The following LDLRAP1 variants were observed in gnomAD, a reference collection of about 807,000 sequenced individuals.
LDLRAP1 encodes low density lipoprotein receptor adapter protein 1.
A neutral mutation model predicts 37.8 loss-of-function variants in LDLRAP1; 30 were observed. The observed-to-expected ratio is 0.79, with a 90% CI of 0.59 to 1.08. The LOEUF (loss-of-function observed/expected upper bound fraction) is 1.08, where lower values mean the gene tolerates loss of function less well. LDLRAP1 is among the 50% of genes least tolerant of loss of function. The pLI, the probability that LDLRAP1 is intolerant of heterozygous loss-of-function variation, is 0.00. For missense variants in LDLRAP1, 375 were observed against 401.6 expected (o/e 0.93, Z 0.57); for synonymous variants, 156 against 169.8 (o/e 0.92, Z 0.63).
intron 4 of LDLRAP1, among the ~76,000 whole-genome samples, chr1:25,561,529 C>T (rs545465102): frequency 4.7e-4 from 71 of 152,160 alleles, no homozygotes; most frequent in African/African-American, 1.6e-3. Flanking sequence ...GCTGGTGAGG[C>T]CTGAACTTGT....
In LDLRAP1 at chr1:25,555,754, C is replaced by T. The variant is rs1178844437; in HGVS notation, c.344+782C>T. On this transcript the variant is annotated intron_variant, in intron 3 of 8. Coordinates refer to ENST00000374338, the MANE Select transcript of LDLRAP1 (RefSeq NM_015627.3). This position sits in a 1 kb window ranked among gnomAD's most constrained non-coding sequence, Gnocchi z 4.7. The stretch of plus-strand genomic sequence containing the variant: ...GTTGTGGGGGTCTGGCTGATGTCTT[C>T]CTCTCACCGGCCTGATCATACCTGC... 1.3e-5 allele frequency among the ~76,000 whole-genome samples: 2 copies of T among 152,176 alleles called. No homozygotes were observed. The highest frequency in any genetic ancestry group is 2.9e-5 in the Non-Finnish European group (2 of 68,028).
intron 1 of LDLRAP1, among the ~76,000 whole-genome samples, chr1:25,545,124 CA>C (rs1270989566): frequency 5.3e-5 from 8 of 152,160 alleles, no homozygotes; most frequent in African/African-American, 1.9e-4. Flanking sequence ...GATTGCATCC[CA>C]AAATAGACCC....
Position 25,554,131 on chromosome 1 carries a change from C to T in LDLRAP1, c.231+67C>T. 6.3e-7 allele frequency: 1 copy of T among 1,586,746 alleles called. No individual in the cohort carries two copies. The highest frequency in any genetic ancestry group is 8.6e-7 in the Non-Finnish European group (1 of 1,164,544). On this transcript the variant is annotated intron_variant, in intron 2 of 8. Transcript: ENST00000374338. The surrounding 1 kb of genome is among the most constrained non-coding windows in gnomAD (Gnocchi z 5.4). ...AGGACCAGCTTCTTCCCAGGGTGCCCTCGTCCCAGCTTGTTACTCCAGTTG... is the reference window on the plus strand; with the variant it reads ...AGGACCAGCTTCTTCCCAGGGTGCCTTCGTCCCAGCTTGTTACTCCAGTTG...
the LDLRAP1 span, among the ~76,000 whole-genome samples, chr1:25,586,169 G>A: frequency 3.2e-3 from 485 of 152,298 alleles, 3 homozygotes; most frequent in African/African-American, 0.011. This position sits in a 1 kb window ranked among gnomAD's most constrained non-coding sequence, Gnocchi z 4.3. Flanking sequence ...TTTTGTAGAG[G>A]CCCAGACTTC....
intron 5 of LDLRAP1, 176 bp from the exon 6 acceptor site, chr1:25,562,894 C>G (rs1173339297): frequency 1.2e-6 from 1 of 811,914 alleles, no homozygotes. Flanking sequence ...ACAGCCGTCT[C>G]CCTCCCCAAA....
At chr1:25,549,300 A>C (rs2044013126) in intron 1 of LDLRAP1, among the ~76,000 whole-genome samples, 2 of 152,282 alleles carry the variant, frequency 1.3e-5, no homozygotes, top group South Asian at 4.1e-4. Flanking sequence ...CTCTGAGGCC[A>C]TCTCCCCACC....
At position 25,554,726 on chromosome 1, in the gene LDLRAP1, T is replaced by C. The variant is rs2044158053; in HGVS notation, c.232-134T>C. 6.9e-6 allele frequency: 5 copies of C among 721,478 alleles called. No homozygotes were observed. The highest frequency in any genetic ancestry group is 1.2e-5 in the Non-Finnish European group (5 of 402,488). The allele number at this position is 721,478 out of a possible 1,614,324, so 44.7% of individuals were successfully genotyped here. A position where few individuals can be genotyped will look rare whatever the true frequency, so the allele number is the denominator to read the frequency against. ...GCAAGAAGGTGCTGGCTGAGTGGTCTTGCCCACACTGCTGCCAGTCACCTG... is the reference window on the plus strand; with the variant it reads ...GCAAGAAGGTGCTGGCTGAGTGGTCCTGCCCACACTGCTGCCAGTCACCTG... On this transcript the variant is annotated intron_variant, in intron 2 of 8. Coordinates refer to ENST00000374338, the MANE Select transcript of LDLRAP1 (RefSeq NM_015627.3). The surrounding 1 kb of genome is among the most constrained non-coding windows in gnomAD (Gnocchi z 5.4).
At chr1:25,582,505 A>G in the LDLRAP1 span, among the ~76,000 whole-genome samples, 1 of 150,588 alleles carries the variant, frequency 6.6e-6, no homozygotes, top group Non-Finnish European at 1.5e-5. Flanking sequence ...GAATCGCTTG[A>G]ACCTGGGAGG....
At chr1:25,582,465 G>A in the LDLRAP1 span, among the ~76,000 whole-genome samples, 81 of 151,900 alleles carry the variant, frequency 5.3e-4, no homozygotes, top group East Asian at 6.0e-3. Flanking sequence ...TGCACCTGTA[G>A]TCCCAGCTAC....
intron 4 of LDLRAP1, among the ~76,000 whole-genome samples, chr1:25,558,893 A>G (rs1208478974): frequency 6.6e-6 from 1 of 152,170 alleles, no homozygotes; most frequent in African/African-American, 2.4e-5. Flanking sequence ...TGGAAGAGGC[A>G]CTGTAGGAGG....
intron 4 of LDLRAP1, among the ~76,000 whole-genome samples, chr1:25,562,035 G>A (rs1163735419): frequency 6.6e-6 from 1 of 152,132 alleles, no homozygotes; most frequent in African/African-American, 2.4e-5. Context: ...TTACAGGTGG[G>A]TTATAGCACT....
intron 5 of LDLRAP1, 35 bp from the exon 6 acceptor site, chr1:25,563,035 C>A: frequency 1.3e-6 from 2 of 1,594,354 alleles, no homozygotes; most frequent in Non-Finnish European, 1.7e-6. Context: ...GTGCTGGGGT[C>A]TGAGGCTCCA....
At chr1:25,586,501 T>TGC in the LDLRAP1 span, among the ~76,000 whole-genome samples, 1 of 152,016 alleles carries the variant, frequency 6.6e-6, no homozygotes, top group Non-Finnish European at 1.5e-5. This position sits in a 1 kb window ranked among gnomAD's most constrained non-coding sequence, Gnocchi z 4.3. Flanking sequence ...TGTGTGTGTG[T>TGC]GCATGCACAT....
At chr1:25,546,489 CCA>C (rs997838381) in intron 1 of LDLRAP1, among the ~76,000 whole-genome samples, 5 of 152,204 alleles carry the variant, frequency 3.3e-5, no homozygotes, top group Admixed American at 2.6e-4. Flanking sequence ...TCTTCCTCTC[CCA>C]CACATGGCTT....
Position 25,563,137 on chromosome 1 carries a change from C to T in LDLRAP1, c.600C>T (p.Thr200=), listed in dbSNP as rs138872203. 28 of 1,613,988 alleles carry T rather than the reference C, an allele frequency of 1.7e-5. No individual in the cohort carries two copies. The African/African-American group carries it at 3.2e-4, about 18-fold the overall frequency. ...GDVLGARQDC[T]PSLKSLVATG... ...TCCTGGGGGCCCGCCAAGACTGCAC[C>T]CCCTCCTTGAAGAGCTGTGAGTCCT... The change falls in exon 6 of 9, where the codon ACC becomes ACT. Residue 200 remains threonine, a synonymous_variant. Coordinates refer to ENST00000374338, the MANE Select transcript of LDLRAP1 (RefSeq NM_015627.3).
the LDLRAP1 span, among the ~76,000 whole-genome samples, chr1:25,584,699 C>T: frequency 2.0e-5 from 3 of 152,228 alleles, no homozygotes; most frequent in South Asian, 2.1e-4. Context: ...CCTTCCCCCA[C>T]GTAAATCTAG....
At chr1:25,587,891 T>C in the LDLRAP1 span, among the ~76,000 whole-genome samples, 2 of 152,144 alleles carry the variant, frequency 1.3e-5, no homozygotes, top group African/African-American at 4.8e-5. Flanking sequence ...ACTGTGTCTA[T>C]GTAGAAAGAA....
chr1:25,565,272 C>T, intron 8 of LDLRAP1, 65 bp downstream of exon 8: 2 of 1,564,462 alleles, frequency 1.3e-6, no homozygotes, highest in Non-Finnish European at 1.8e-6. Flanking sequence ...GCTGCCCTTT[C>T]TCCTGGGGAC....
intron 5 of LDLRAP1, 145 bp downstream of exon 5, chr1:25,562,861 G>A (rs1557708422): frequency 2.4e-6 from 2 of 836,838 alleles, no homozygotes; most frequent in South Asian, 2.8e-5. Context: ...CAGAGTCTCG[G>A]TTTTCCCATC....
Sources: gnomAD v4.1 joint callset for allele counts (sites outside exome capture counted in the v4.1 genomes callset) on GRCh38, gnomAD v4.1.1 for gene constraint, Gnocchi (gnomAD v3.1) non-coding constraint, MANE v1.5 for transcripts, NCBI Gene and HGNC (gene_info 2026-07-23, HGNC 2026-07-21) for gene names.